The following SLC5A4 variants were observed in gnomAD, a reference collection of about 807,000 sequenced individuals.
The protein encoded by SLC5A4 is solute carrier family 5 member 4, also known as probable glucose sensor protein SLC5A4.
A neutral mutation model predicts 70.3 loss-of-function variants in SLC5A4; 55 were observed. The ratio of observed to expected loss-of-function variants is 0.78; its 90% CI spans 0.63 to 0.98. The LOEUF (loss-of-function observed/expected upper bound fraction) is 0.98, where lower values mean the gene tolerates loss of function less well. Ranked by LOEUF, SLC5A4 falls within the 50% of genes least tolerant of loss-of-function variation. The pLI, the probability that SLC5A4 is intolerant of heterozygous loss-of-function variation, is 0.00. For synonymous variants in SLC5A4, 268 were observed against 305.7 expected (o/e 0.88, Z 1.29); for missense variants, 735 against 839.2 (o/e 0.88, Z 1.53).
chr22:32,299,878 G>A, the SLC5A4 span, among the ~76,000 whole-genome samples: 2 of 118,382 alleles, frequency 1.7e-5, no homozygotes, highest in African/African-American at 3.1e-5. Context: ...CTAACAGAGA[G>A]GACCCTCAGC....
At chr22:32,289,710 A>C in the SLC5A4 span, among the ~76,000 whole-genome samples, 1 of 151,788 alleles carries the variant, frequency 6.6e-6, no homozygotes, top group East Asian at 1.9e-4. Context: ...GAGTCATTAA[A>C]CCTCTTTTCT....
chr22:32,332,154 G>C, the SLC5A4 span, among the ~76,000 whole-genome samples: 1 of 151,914 alleles, frequency 6.6e-6, no homozygotes, highest in Non-Finnish European at 1.5e-5. Context: ...CAGCCTCTCC[G>C]GTGGACTCCC....
chr22:32,261,543 C>T, the SLC5A4 span, among the ~76,000 whole-genome samples: 7 of 152,316 alleles, frequency 4.6e-5, no homozygotes, highest in East Asian at 7.7e-4. Context: ...AAGCCCCTTA[C>T]CAGGGGCAGG....
the SLC5A4 span, among the ~76,000 whole-genome samples, chr22:32,289,795 A>G: frequency 0.017 from 2,576 of 152,324 alleles, 36 homozygotes; most frequent in Non-Finnish European, 0.026. Context: ...TCCTGTTCAT[A>G]TACCTGATTA....
intron 3 of SLC5A4, among the ~76,000 whole-genome samples, chr22:32,250,962 G>A (rs1927105809): frequency 6.6e-6 from 1 of 151,808 alleles, no homozygotes; most frequent in Non-Finnish European, 1.5e-5. Context: ...GTCAGGGGGT[G>A]AGGGGCAAGG....
At chr22:32,305,064 T>G in the SLC5A4 span, among the ~76,000 whole-genome samples, 8,498 of 152,294 alleles carry the variant, frequency 0.056, 316 homozygotes, top group South Asian at 0.087. Flanking sequence ...GGGCTATATA[T>G]TCTGTTCATT....
chr22:32,238,215 T>A (rs1926176676), intron 6 of SLC5A4, among the ~76,000 whole-genome samples: 1 of 151,406 alleles, frequency 6.6e-6, no homozygotes, highest in Non-Finnish European at 1.5e-5. Flanking sequence ...TCCCTCTCTG[T>A]CTTTAAAAGC....
chr22:32,224,135 T>G lies in SLC5A4; in HGVS notation c.1665+132A>C, dbSNP rs1036387745. 3 of 662,574 alleles carry G rather than the reference T, an allele frequency of 4.5e-6. No individual in the cohort carries two copies. In the Admixed American group the frequency reaches 7.3e-5, roughly 16 times the overall value. The allele number at this position is 662,574 out of a possible 1,614,324, so 41.0% of individuals were successfully genotyped here. A position where few individuals can be genotyped will look rare whatever the true frequency, so the allele number is the denominator to read the frequency against. On this transcript the variant is annotated intron_variant, in intron 13 of 14. Coordinates refer to ENST00000266086, the MANE Select transcript of SLC5A4 (RefSeq NM_014227.3). Reference sequence around the variant, plus strand: ...CAAGGTTTCACCGTGTTAACCAGGATGGTCTCCATCTCCTGACCTCGTGAT... The same window carrying G: ...CAAGGTTTCACCGTGTTAACCAGGAGGGTCTCCATCTCCTGACCTCGTGAT...
chr22:32,227,713 G>A (rs572557477), intron 11 of SLC5A4, among the ~76,000 whole-genome samples: 11 of 152,226 alleles, frequency 7.2e-5, no homozygotes, highest in Admixed American at 2.0e-4. Flanking sequence ...TGAGGTGGGC[G>A]GATCACGAGG....
At chr22:32,303,218 T>C in the SLC5A4 span, among the ~76,000 whole-genome samples, 2 of 152,222 alleles carry the variant, frequency 1.3e-5, no homozygotes, top group African/African-American at 2.4e-5. Context: ...CTTGGTTTTA[T>C]ACATTTTAGG....
chr22:32,242,436 G>A (rs1203740620), intron 5 of SLC5A4, among the ~76,000 whole-genome samples: 7 of 152,212 alleles, frequency 4.6e-5, no homozygotes, highest in South Asian at 2.1e-4. Flanking sequence ...CTGGCTGGGC[G>A]TGGTGGCTCA....
the SLC5A4 span, among the ~76,000 whole-genome samples, chr22:32,261,632 G>A: frequency 2.6e-5 from 4 of 152,240 alleles, no homozygotes; most frequent in Non-Finnish European, 5.9e-5. Flanking sequence ...CGCCCAGGGA[G>A]CTGGGCCACT....
chr22:32,306,718 G>T, the SLC5A4 span, among the ~76,000 whole-genome samples: 1 of 152,116 alleles, frequency 6.6e-6, no homozygotes, highest in Admixed American at 6.5e-5. Context: ...CCCTTTTGTG[G>T]GAGGTCTCCT....
At chr22:32,329,880 TCTGGTGTGTATGTGTTGGGA>T in the SLC5A4 span, among the ~76,000 whole-genome samples, 1 of 42,296 alleles carries the variant, frequency 2.4e-5, no homozygotes, top group Non-Finnish European at 4.1e-5. Context: ...TGTTGGAGGC[TCTGGTGTGTATGTGTTGGGA>T]GGCTCTGGTG....
At chr22:32,352,063 T>C in the SLC5A4 span, among the ~76,000 whole-genome samples, 1 of 151,910 alleles carries the variant, frequency 6.6e-6, no homozygotes, top group Non-Finnish European at 1.5e-5. Flanking sequence ...GTGGCACATA[T>C]GCACCATGGA....
At chr22:32,315,951 G>A in the SLC5A4 span, among the ~76,000 whole-genome samples, 11 of 151,936 alleles carry the variant, frequency 7.2e-5, no homozygotes, top group South Asian at 4.2e-4. Flanking sequence ...GGTAGATCAC[G>A]AGGTCAGGAG....
the SLC5A4 span, among the ~76,000 whole-genome samples, chr22:32,340,841 G>A: frequency 7.2e-4 from 109 of 152,162 alleles, no homozygotes; most frequent in Admixed American, 1.6e-3. Context: ...CCATCGGCAC[G>A]TCTTGACTTA....
the SLC5A4 span, among the ~76,000 whole-genome samples, chr22:32,352,119 G>A: frequency 5.3e-5 from 8 of 151,926 alleles, no homozygotes; most frequent in South Asian, 6.2e-4. Context: ...CCTTTGTAAG[G>A]ACATGGATGA....
chr22:32,318,022 T>C, the SLC5A4 span, among the ~76,000 whole-genome samples: 1 of 152,032 alleles, frequency 6.6e-6, no homozygotes, highest in African/African-American at 2.4e-5. Context: ...TCAGTCCCCC[T>C]TTCACTCATC....
Sources: allele counts gnomAD v4.1 joint callset (sites outside exome capture counted in the v4.1 genomes callset), GRCh38; gene constraint gnomAD v4.1.1; transcripts MANE v1.5; gene names NCBI Gene and HGNC (gene_info 2026-07-23, HGNC 2026-07-21).